Variants in LSM14A observed in about 807,000 individuals in gnomAD.
The protein encoded by LSM14A is LSM14A mRNA processing body assembly factor.
LSM14A carries 14 observed loss-of-function variants against 52.4 expected under a neutral mutation model. The observed-to-expected ratio is 0.27, with a 90% CI of 0.18 to 0.42. The LOEUF is 0.42. LSM14A is among the 10% of genes least tolerant of loss of function. The probability of loss-of-function intolerance (pLI) is 1.00; values close to 1 mark genes in which losing one functional copy is unlikely to be tolerated. For missense variants in LSM14A, 417 were observed against 581.8 expected, an observed-to-expected ratio of 0.72 and a Z score of 2.91; for synonymous variants, 185 against 200.3, an observed-to-expected ratio of 0.92 and a Z score of 0.64.
At chr19:34,224,206 C>A (rs1035145668) in intron 9 of LSM14A, among the ~76,000 whole-genome samples, 3 of 152,158 alleles carry the variant, frequency 2.0e-5, no homozygotes, top group Non-Finnish European at 4.4e-5. Context: ...GTGGCACACA[C>A]CTGTAATCCC....
chr19:34,173,539 G>A (rs2145431479), intron 1 of LSM14A, among the ~76,000 whole-genome samples: 1 of 152,304 alleles, frequency 6.6e-6, no homozygotes, highest in Middle Eastern at 3.4e-3. Flanking sequence ...CTCTGGGAAA[G>A]GGAATTCGGC....
intron 4 of LSM14A, among the ~76,000 whole-genome samples, chr19:34,212,697 A>AT (rs1182699675): frequency 6.6e-6 from 1 of 152,198 alleles, no homozygotes; most frequent in Non-Finnish European, 1.5e-5. Flanking sequence ...TCACTTCTGG[A>AT]TTTATTCCTA....
At chr19:34,176,293 T>A (rs1262329723) in intron 1 of LSM14A, among the ~76,000 whole-genome samples, 5 of 152,038 alleles carry the variant, frequency 3.3e-5, no homozygotes, top group Non-Finnish European at 7.4e-5. Context: ...TTTTTTTTTT[T>A]AATTTCTCAG....
chr19:34,202,462 C>T (rs1014690952), intron 3 of LSM14A, among the ~76,000 whole-genome samples: 3 of 147,764 alleles, frequency 2.0e-5, no homozygotes, highest in African/African-American at 7.5e-5. Context: ...CACTGCACTC[C>T]AGCTTGGGAA....
In LSM14A at chr19:34,172,579, A is replaced by C; in HGVS notation, c.-64A>C. Reference sequence around the variant, plus strand: ...GCCGACGGAGCGAGCGGGCGTGCGGAGCGGGCGACAGTGGCGTGGGATCTG... The same window carrying C: ...GCCGACGGAGCGAGCGGGCGTGCGGCGCGGGCGACAGTGGCGTGGGATCTG... On this transcript the variant is annotated 5_prime_UTR_variant, in exon 1 of 10. Coordinates refer to ENST00000544216, the MANE Select transcript of LSM14A (RefSeq NM_015578.4). 1 of 1,473,188 alleles carries C rather than the reference A, an allele frequency of 6.8e-7. No individual in the cohort carries two copies. Among genetic ancestry groups the C allele is most frequent in the South Asian group, 1.3e-5 (1 of 75,778 alleles). The allele number at this position is 1,473,188 out of a possible 1,614,324, so 91.3% of individuals were successfully genotyped here.
chr19:34,205,171 T>C (rs2071593344), intron 3 of LSM14A, among the ~76,000 whole-genome samples: 1 of 151,616 alleles, frequency 6.6e-6, no homozygotes, highest in African/African-American at 2.4e-5. Flanking sequence ...TTAAAATCAG[T>C]GCTTTAAGCT....
At chr19:34,219,077 G>A (rs1468583623) in intron 6 of LSM14A, among the ~76,000 whole-genome samples, 2 of 152,174 alleles carry the variant, frequency 1.3e-5, no homozygotes, top group African/African-American at 4.8e-5. Context: ...ACCTCAAGGA[G>A]CATACATTAA....
chr19:34,212,195 G>A (rs552310947), intron 4 of LSM14A, among the ~76,000 whole-genome samples: 14 of 152,090 alleles, frequency 9.2e-5, no homozygotes, highest in African/African-American at 1.9e-4. Context: ...TTAGTTGGGC[G>A]TGATGTGTGC....
rs551677447 is a variant in LSM14A, at chr19:34,228,089, T to C, written c.*701T>C. ...TTTTTAAAGAATAAACATTTTAAAG[T>C]CAGCAAACATACTGTGTCCTTGCAG... On this transcript the variant is annotated 3_prime_UTR_variant, in exon 10 of 10. Coordinates refer to ENST00000544216, the MANE Select transcript of LSM14A (RefSeq NM_015578.4). 1 of 152,746 alleles carries C rather than the reference T, an allele frequency of 6.5e-6. No individual in the cohort carries two copies. The highest frequency in any genetic ancestry group is 6.5e-5 in the Admixed American group (1 of 15,296). The allele number at this position is 152,746 out of a possible 1,614,324, so 9.5% of individuals were successfully genotyped here. A position where few individuals can be genotyped will look rare whatever the true frequency, so the allele number is the denominator to read the frequency against.
intron 1 of LSM14A, among the ~76,000 whole-genome samples, chr19:34,191,343 A>G (rs1439067125): frequency 6.6e-6 from 1 of 151,976 alleles, no homozygotes; most frequent in Non-Finnish European, 1.5e-5. Context: ...AATGTATTTC[A>G]TCTACCTTTT....
intron 4 of LSM14A, among the ~76,000 whole-genome samples, chr19:34,214,918 TA>T (rs1418217181): frequency 6.6e-6 from 1 of 151,964 alleles, no homozygotes; most frequent in Non-Finnish European, 1.5e-5. Flanking sequence ...AGTTTTTTTT[TA>T]AATTATTATT....
chr19:34,196,820 A>G, intron 3 of LSM14A, 57 bp downstream of exon 3: 1 of 1,436,832 alleles, frequency 7.0e-7, no homozygotes, highest in South Asian at 1.3e-5. Flanking sequence ...TCTTTACCAC[A>G]AAGGTATAGA....
At chr19:34,184,399 T>C (rs1272269268) in intron 1 of LSM14A, among the ~76,000 whole-genome samples, 2 of 152,220 alleles carry the variant, frequency 1.3e-5, no homozygotes, top group Admixed American at 1.3e-4. Context: ...TTTCCTAATA[T>C]TAAAACATTC....
At chr19:34,185,630 G>A (rs76651255) in intron 1 of LSM14A, among the ~76,000 whole-genome samples, 4 of 152,270 alleles carry the variant, frequency 2.6e-5, no homozygotes, top group East Asian at 3.9e-4. Context: ...AGAGTACTGC[G>A]TTGTAGAAGA....
At chr19:34,213,303 A>C (rs985625168) in intron 4 of LSM14A, among the ~76,000 whole-genome samples, 4 of 152,190 alleles carry the variant, frequency 2.6e-5, no homozygotes. Flanking sequence ...TTGAAATGTT[A>C]AGTAGATTGT....
At chr19:34,209,534 T>C (rs565700817) in intron 4 of LSM14A, among the ~76,000 whole-genome samples, 4 of 152,334 alleles carry the variant, frequency 2.6e-5, no homozygotes, top group East Asian at 3.9e-4. Flanking sequence ...CTGAGACTTA[T>C]ACATCAGAAT....
At chr19:34,190,113 C>T (rs1292196549) in intron 1 of LSM14A, among the ~76,000 whole-genome samples, 1 of 152,176 alleles carries the variant, frequency 6.6e-6, no homozygotes, top group Non-Finnish European at 1.5e-5. Flanking sequence ...CTGTGCTTAT[C>T]ATGCCTCCTT....
intron 5 of LSM14A, 105 bp from the exon 6 acceptor site, chr19:34,215,491 G>A: frequency 2.6e-6 from 3 of 1,166,740 alleles, no homozygotes; most frequent in Non-Finnish European, 3.8e-6. Context: ...CATTGCACAG[G>A]CTTTGTTTTG....
intron 8 of LSM14A, among the ~76,000 whole-genome samples, chr19:34,220,400 A>G (rs554178311): frequency 8.5e-5 from 13 of 152,372 alleles, no homozygotes; most frequent in Admixed American, 3.3e-4. Flanking sequence ...ACAAGCATTT[A>G]GGTAATGTCT....
Sources: gnomAD v4.1 joint callset for allele counts (sites outside exome capture counted in the v4.1 genomes callset) on GRCh38, gnomAD v4.1.1 for gene constraint, MANE v1.5 for transcripts, NCBI Gene and HGNC (gene_info 2026-07-23, HGNC 2026-07-21) for gene names.